NFIX: variants seen among roughly 807,000 people sequenced by gnomAD.
NFIX encodes nuclear factor I X.
A neutral mutation model predicts 53.3 loss-of-function variants in NFIX; 2 were observed. The observed-to-expected ratio is 0.04, with a 90% CI of 0.02 to 0.12. The LOEUF (loss-of-function observed/expected upper bound fraction) is 0.12. NFIX is among the 10% of genes least tolerant of loss of function. The probability of loss-of-function intolerance (pLI) is 1.00; values close to 1 mark genes in which losing one functional copy is unlikely to be tolerated. For missense variants in NFIX, 310 were observed against 674.5 expected, an observed-to-expected ratio of 0.46 and a Z score of 5.99; for synonymous variants, 244 against 289.0, an observed-to-expected ratio of 0.84 and a Z score of 1.58.
chr19:13,093,459 G>A lies in NFIX; in HGVS notation c.1495-1176G>A, dbSNP rs1242607012. Among the ~76,000 whole-genome samples the A allele has an allele frequency of 6.6e-6, 1 of 152,266 alleles. No individual in the cohort carries two copies. The highest frequency in any genetic ancestry group is 2.4e-5 in the African/African-American group (1 of 41,476). The stretch of plus-strand genomic sequence containing the variant: ...TCACCCTGACCCTAGGCAGGGCACA[G>A]GCATTCTGGCCACCACAGACCCTGC... On this transcript the variant is annotated intron_variant, in intron 10 of 10. Transcript: ENST00000592199. The surrounding 1 kb of genome is among the most constrained non-coding windows in gnomAD (Gnocchi z 4.7).
At chr19:13,063,315 C>T (rs2016204021) in intron 2 of NFIX, among the ~76,000 whole-genome samples, 1 of 152,134 alleles carries the variant, frequency 6.6e-6, no homozygotes, top group Non-Finnish European at 1.5e-5. Flanking sequence ...CCCTCCCTTC[C>T]CCAGAAGCAT....
intron 2 of NFIX, among the ~76,000 whole-genome samples, chr19:13,055,068 C>T (rs1013834583): frequency 6.6e-6 from 1 of 151,752 alleles, no homozygotes; most frequent in Non-Finnish European, 1.5e-5. Flanking sequence ...CTCTCTCTCC[C>T]CCGCTCTCCT....
At chr19:13,055,335 G>C (rs1372991173) in intron 2 of NFIX, among the ~76,000 whole-genome samples, 2 of 151,898 alleles carry the variant, frequency 1.3e-5, no homozygotes, top group African/African-American at 4.8e-5. Context: ...CAGCCTGCCT[G>C]CCCTTCCCCG....
At chr19:13,020,030 C>G (rs1489110940) in intron 1 of NFIX, among the ~76,000 whole-genome samples, 1 of 151,936 alleles carries the variant, frequency 6.6e-6, no homozygotes, top group African/African-American at 2.4e-5. Context: ...TGTCCCCTTG[C>G]TCTTTCCATC....
intron 2 of NFIX, among the ~76,000 whole-genome samples, chr19:13,041,721 G>A (rs543047317): frequency 1.1e-4 from 17 of 150,724 alleles, no homozygotes; most frequent in Non-Finnish European, 2.2e-4. Context: ...TTGAACCCGG[G>A]AGGCAGAGGT....
intron 2 of NFIX, among the ~76,000 whole-genome samples, chr19:13,048,059 G>A (rs968854880): frequency 1.3e-5 from 2 of 152,142 alleles, no homozygotes; most frequent in Non-Finnish European, 2.9e-5. Flanking sequence ...AGTGAACTCG[G>A]CACTTTTATA....
At chr19:12,999,946 C>T (rs1039373556) in intron 1 of NFIX, among the ~76,000 whole-genome samples, 1 of 152,128 alleles carries the variant, frequency 6.6e-6, no homozygotes, top group African/African-American at 2.4e-5. Context: ...AGGTGTGGGC[C>T]GGGATGGGGT....
intron 2 of NFIX, among the ~76,000 whole-genome samples, chr19:13,059,809 A>G (rs1211744525): frequency 9.9e-6 from 1 of 101,494 alleles, no homozygotes; most frequent in East Asian, 3.5e-4. Flanking sequence ...TTTGAGACGG[A>G]GTCTCACTCT....
At position 13,027,358 on chromosome 19, in the gene NFIX, C is replaced by T. The variant is rs1252701460; in HGVS notation, c.559+1806C>T. Among the ~76,000 whole-genome samples, 1 of 152,004 alleles carries T rather than the reference C, an allele frequency of 6.6e-6. No individual in the cohort carries two copies. The highest frequency in any genetic ancestry group is 2.4e-5 in the African/African-American group (1 of 41,350). Reference sequence around the variant, plus strand: ...GACTGAGAGGGAAAAAAAAGTTATCCCCTCATTCTCTGTCTATACAGCAAG... The same window carrying T: ...GACTGAGAGGGAAAAAAAAGTTATCTCCTCATTCTCTGTCTATACAGCAAG... On this transcript the variant is annotated intron_variant, in intron 2 of 10. Transcript: ENST00000592199. The surrounding 1 kb of genome is among the most constrained non-coding windows in gnomAD (Gnocchi z 4.3).
chr19:13,085,538 G>A (rs970003986), intron 8 of NFIX, among the ~76,000 whole-genome samples: 1 of 152,194 alleles, frequency 6.6e-6, no homozygotes, highest in African/African-American at 2.4e-5. Context: ...TCTCTGCAGC[G>A]CTGCAAACCC....
rs1487596031 is a variant in NFIX, at chr19:13,005,942, G to C, written c.27+10078G>C. Among the ~76,000 whole-genome samples, 1 of 152,192 alleles carries C rather than the reference G, an allele frequency of 6.6e-6. No individual in the cohort carries two copies. Among genetic ancestry groups the C allele is most frequent in the East Asian group, 1.9e-4 (1 of 5,198 alleles). ...TCTCCCACACCTTGCTGGGCACCCA[G>C]CCGGAGCTCAAATGCTGGGGGTGCA... On this transcript the variant is annotated intron_variant, in intron 1 of 10. Transcript: ENST00000592199. This position sits in a 1 kb window ranked among gnomAD's most constrained non-coding sequence, Gnocchi z 4.7.
At chr19:13,063,078 G>C (rs1485163224) in intron 2 of NFIX, among the ~76,000 whole-genome samples, 3 of 152,218 alleles carry the variant, frequency 2.0e-5, no homozygotes, top group Non-Finnish European at 4.4e-5. Flanking sequence ...GCCAGAAAGA[G>C]AGCAGGGGGC....
At chr19:13,003,097 G>T (rs2011807953) in intron 1 of NFIX, among the ~76,000 whole-genome samples, 1 of 151,754 alleles carries the variant, frequency 6.6e-6, no homozygotes, top group African/African-American at 2.4e-5. Flanking sequence ...TCATCTTGGG[G>T]AGTTGGGGGG....
At position 13,034,306 on chromosome 19, in the gene NFIX, C is replaced by T. The variant is rs148904993; in HGVS notation, c.559+8754C>T. 3.5e-3 allele frequency among the ~76,000 whole-genome samples: 526 copies of T among 152,328 alleles called. 7 individuals are homozygous for T. Among genetic ancestry groups the T allele is most frequent in the African/African-American group, 0.012 (510 of 41,562 alleles). ...ACAGAGAATGGGCACCTGGCCCTGT[C>T]CTGACACTGGCCTCCCTCCCTCCTG... On this transcript the variant is annotated intron_variant, in intron 2 of 10. Coordinates refer to ENST00000592199, the MANE Select transcript of NFIX (RefSeq NM_001365902.3).
In NFIX at chr19:13,006,699, G is replaced by A. The variant is rs1271951998; in HGVS notation, c.27+10835G>A. Among the ~76,000 whole-genome samples, 1 of 152,196 alleles carries A rather than the reference G, an allele frequency of 6.6e-6. No individual in the cohort carries two copies. Among genetic ancestry groups the A allele is most frequent in the Non-Finnish European group, 1.5e-5 (1 of 68,032 alleles). ...TCTTGGGGATCTGCCCACAGCTTGG[G>A]GGTATCAGGCTTTGTCTGTTGGGTT... On this transcript the variant is annotated intron_variant, in intron 1 of 10. Coordinates refer to ENST00000592199, the MANE Select transcript of NFIX (RefSeq NM_001365902.3). The surrounding 1 kb of genome is among the most constrained non-coding windows in gnomAD (Gnocchi z 5.6).
At chr19:13,019,611 G>A (rs1382779150) in intron 1 of NFIX, among the ~76,000 whole-genome samples, 1 of 151,156 alleles carries the variant, frequency 6.6e-6, no homozygotes, top group African/African-American at 2.4e-5. Context: ...TTTCTCCGTG[G>A]CCCTTTCAGT....
At chr19:13,032,971 G>A (rs957165759) in intron 2 of NFIX, among the ~76,000 whole-genome samples, 7 of 152,152 alleles carry the variant, frequency 4.6e-5, no homozygotes, top group South Asian at 2.1e-4. Context: ...GCCACAGACC[G>A]AGACTCAGGC....
At chr19:13,087,935 G>T in intron 8 of NFIX, 54 bp from the exon 9 acceptor site, 1 of 1,533,232 alleles carries the variant, frequency 6.5e-7, no homozygotes, top group Non-Finnish European at 8.7e-7. Context: ...GCAGGGGAGC[G>T]TGTGTCTGTG....
At position 13,093,318 on chromosome 19, in the gene NFIX, C is replaced by G. The variant is rs1441697256; in HGVS notation, c.1495-1317C>G. 6.6e-6 allele frequency among the ~76,000 whole-genome samples: 1 copy of G among 152,254 alleles called. No homozygotes were observed. Among genetic ancestry groups the G allele is most frequent in the Non-Finnish European group, 1.5e-5 (1 of 68,046 alleles). On this transcript the variant is annotated intron_variant, in intron 10 of 10. Transcript: ENST00000592199. The surrounding 1 kb of genome is among the most constrained non-coding windows in gnomAD (Gnocchi z 4.7). Reference sequence around the variant, plus strand: ...ACCAGAGCCTGAGAGCAGGTCTGGCCTGCAGGCAGAATGTTTGACCAAAGC... The same window carrying G: ...ACCAGAGCCTGAGAGCAGGTCTGGCGTGCAGGCAGAATGTTTGACCAAAGC...
Sources: gnomAD v4.1 joint callset for allele counts (sites outside exome capture counted in the v4.1 genomes callset) on GRCh38, gnomAD v4.1.1 for gene constraint, Gnocchi (gnomAD v3.1) non-coding constraint, MANE v1.5 for transcripts, NCBI Gene and HGNC (gene_info 2026-07-23, HGNC 2026-07-21) for gene names.